The following FGF2 variants were observed in gnomAD, a reference collection of about 807,000 sequenced individuals.
The protein encoded by FGF2 is fibroblast growth factor 2, also known as basic fibroblast growth factor bFGF.
A neutral mutation model predicts 15.9 loss-of-function variants in FGF2; 13 were observed. The ratio of observed to expected loss-of-function variants is 0.82; its 90% confidence interval spans 0.53 to 1.30. FGF2 has a LOEUF of 1.30. FGF2 is among the 50% of genes most tolerant of loss of function. FGF2 has a pLI of 0.00. For missense variants in FGF2, 163 were observed against 196.9 expected, an observed-to-expected ratio of 0.83 and a Z score of 1.03; for synonymous variants, 90 against 78.4, an observed-to-expected ratio of 1.15 and a Z score of -0.78.
At chr4:122,865,703 G>A (rs1308612628) in intron 1 of FGF2, among the ~76,000 whole-genome samples, 1 of 152,164 alleles carries the variant, frequency 6.6e-6, no homozygotes, top group Non-Finnish European at 1.5e-5. Context: ...CATTTCAAAT[G>A]TATTGAGGCT....
At chr4:122,829,217 T>A (rs1725710147) in intron 1 of FGF2, among the ~76,000 whole-genome samples, 1 of 152,222 alleles carries the variant, frequency 6.6e-6, no homozygotes, top group South Asian at 2.1e-4. Flanking sequence ...TCTTCCTAAC[T>A]GTGAGTTGGG....
At chr4:122,870,911 T>C (rs186504587) in intron 1 of FGF2, among the ~76,000 whole-genome samples, 2 of 152,278 alleles carry the variant, frequency 1.3e-5, no homozygotes, top group Admixed American at 1.3e-4. Context: ...TTAATTATGA[T>C]GTTAGGGTGT....
intron 1 of FGF2, among the ~76,000 whole-genome samples, chr4:122,834,950 C>T (rs573382629): frequency 6.6e-6 from 1 of 152,286 alleles, no homozygotes; most frequent in Admixed American, 6.5e-5. Flanking sequence ...GATATCTTTT[C>T]AGGTTTTTTG....
chr4:122,827,203 C>T lies in FGF2; in HGVS notation c.29C>T (p.Pro10Leu). ...GCAGCCGGGAGCATCACCACGCTGC[C>T]CGCCTTGCCCGAGGATGGCGGCAGC... MAAGSITTL[P>L]ALPEDGGSGA... Residue 10 changes from proline (P) to leucine (L), a missense_variant, in exon 1 of 3, where the codon CCC becomes CTC. By Grantham distance (98) the Pro-to-Leu change is moderately conservative. Coordinates refer to ENST00000644866, the MANE Select transcript of FGF2 (RefSeq NM_001361665.2). The surrounding 1 kb of genome is among the most constrained non-coding windows in gnomAD (Gnocchi z 4.2). 1 of 1,606,624 alleles carries T rather than the reference C, an allele frequency of 6.2e-7. No homozygotes were observed. The highest frequency in any genetic ancestry group is 1.1e-5 in the South Asian group (1 of 90,288).
chr4:122,894,964 A>C lies in FGF2; in HGVS notation c.*2568A>C, dbSNP rs1187133069. 1 of 152,188 alleles carries C rather than the reference A, an allele frequency of 6.6e-6. No homozygotes were observed. The highest frequency in any genetic ancestry group is 1.5e-5 in the Non-Finnish European group (1 of 68,034). The allele number at this position is 152,188 out of a possible 1,614,324, so 9.4% of individuals were successfully genotyped here. A position where few individuals can be genotyped will look rare whatever the true frequency, so the allele number is the denominator to read the frequency against. ...ATCTATGCTGTTTCTATGTCGTGGA[A>C]GCACTGGATGGGGGTAGTGAGCAAA... On this transcript the variant is annotated 3_prime_UTR_variant, in exon 3 of 3. Transcript: ENST00000644866.
intron 1 of FGF2, among the ~76,000 whole-genome samples, chr4:122,851,334 T>A (rs1421826346): frequency 1.3e-5 from 2 of 152,166 alleles, no homozygotes; most frequent in African/African-American, 2.4e-5. Context: ...GGGCCAAATT[T>A]TAAGGATTTT....
intron 1 of FGF2, chr4:122,840,634 C>A: frequency 1.1e-5 from 2 of 188,642 alleles, no homozygotes; most frequent in South Asian, 1.2e-4. Context: ...CCAAATACCC[C>A]GATCCCGATT....
intron 1 of FGF2, among the ~76,000 whole-genome samples, chr4:122,844,499 A>G (rs908251603): frequency 6.6e-6 from 1 of 152,038 alleles, no homozygotes; most frequent in African/African-American, 2.4e-5. Context: ...TAGAATTGTC[A>G]GTTATTTCCA....
intron 1 of FGF2, among the ~76,000 whole-genome samples, chr4:122,851,417 A>G (rs1421610425): frequency 6.6e-6 from 1 of 152,192 alleles, no homozygotes; most frequent in East Asian, 1.9e-4. Context: ...TATGGCCAAT[A>G]GAAAAGAGTA....
intron 1 of FGF2, among the ~76,000 whole-genome samples, chr4:122,838,612 C>A (rs1725913553): frequency 2.6e-5 from 4 of 152,204 alleles, no homozygotes; most frequent in Admixed American, 2.6e-4. Context: ...GACAAACTAG[C>A]AGAAATTTGA....
At chr4:122,891,885 T>A (rs1727198562) in intron 2 of FGF2, among the ~76,000 whole-genome samples, 1 of 152,170 alleles carries the variant, frequency 6.6e-6, no homozygotes, top group South Asian at 2.1e-4. Context: ...CATAGCATAT[T>A]TCTTCTTACT....
Position 122,841,926 on chromosome 4 carries a change from A to G in FGF2, c.178+14574A>G, listed in dbSNP as rs142826018. On this transcript the variant is annotated intron_variant, in intron 1 of 2. Transcript: ENST00000644866. ...ATTAACAGTTTGGATATTTGGTTAC[A>G]CCTACTTTGAATATTTTCCTCACTT... 4.7e-3 allele frequency among the ~76,000 whole-genome samples: 719 copies of G among 152,208 alleles called. 6 individuals are homozygous for G. Among genetic ancestry groups the G allele is most frequent in the African/African-American group, 0.017 (687 of 41,554 alleles).
intron 1 of FGF2, among the ~76,000 whole-genome samples, chr4:122,859,744 G>T (rs1421546298): frequency 6.6e-6 from 1 of 152,044 alleles, no homozygotes; most frequent in Non-Finnish European, 1.5e-5. Context: ...GGAGATGAAG[G>T]CTGATTTTGA....
chr4:122,885,901 A>AT lies in FGF2; in HGVS notation c.283-6300dup, dbSNP rs1267365169. Among the ~76,000 whole-genome samples the AT allele has an allele frequency of 7.5e-3, 623 of 83,434 alleles. 3 individuals carry two copies. Among genetic ancestry groups the AT allele is most frequent in the Non-Finnish European group, 0.012 (500 of 40,570 alleles). 54.7% of individuals were successfully genotyped at this position (83,434 alleles called of 152,430 possible). On this transcript the variant is annotated intron_variant, in intron 2 of 2. Transcript: ENST00000644866. Reference sequence around the variant, plus strand: ...TTTAGAATGTCCTTCAACTTGCTTGATTTTTTTTTTCCTTTTTTTTTTTTT... The same window carrying AT: ...TTTAGAATGTCCTTCAACTTGCTTGATTTTTTTTTTTCCTTTTTTTTTTTTT...
In FGF2 at chr4:122,895,806, G is replaced by A. The variant is rs1727333763; in HGVS notation, c.*3410G>A. ...CAAATGTGTTTCCCAGTTAACTAGGGTTTACTGTTTGAGCCAATATAAATG... is the reference window on the plus strand; with the variant it reads ...CAAATGTGTTTCCCAGTTAACTAGGATTTACTGTTTGAGCCAATATAAATG... On this transcript the variant is annotated 3_prime_UTR_variant, in exon 3 of 3. Transcript: ENST00000644866. 1 of 152,176 alleles carries A rather than the reference G, an allele frequency of 6.6e-6. No homozygotes were observed. The highest frequency in any genetic ancestry group is 1.5e-5 in the Non-Finnish European group (1 of 68,018). The allele number at this position is 152,176 out of a possible 1,614,324, so 9.4% of individuals were successfully genotyped here. A position where few individuals can be genotyped will look rare whatever the true frequency, so the allele number is the denominator to read the frequency against.
chr4:122,851,814 T>G (rs1229063314), intron 1 of FGF2, among the ~76,000 whole-genome samples: 2 of 152,210 alleles, frequency 1.3e-5, no homozygotes, highest in Non-Finnish European at 2.9e-5. Context: ...TTCACATATG[T>G]GCAGGTAACA....
chr4:122,892,364 A>G lies in FGF2; in HGVS notation c.436A>G (p.Ile146Val). The stretch of plus-strand genomic sequence containing the variant: ...CAAAACAGGACCTGGGCAGAAAGCT[A>G]TACTTTTTCTTCCAATGTCTGCTAA... ...GSKTGPGQKA[I>V]LFLPMSAKS The change falls in exon 3 of 3, where the codon ATA becomes GTA. Residue 146 changes from isoleucine (I) to valine (V), a missense_variant. Transcript: ENST00000644866. 2 of 1,614,152 alleles carry G rather than the reference A, an allele frequency of 1.2e-6. No homozygotes were observed. Among genetic ancestry groups the G allele is most frequent in the Non-Finnish European group, 1.7e-6 (2 of 1,180,010 alleles).
chr4:122,848,549 C>T (rs1473384342), intron 1 of FGF2, among the ~76,000 whole-genome samples: 2 of 152,132 alleles, frequency 1.3e-5, no homozygotes, highest in African/African-American at 2.4e-5. Flanking sequence ...CAGCTGCCAT[C>T]TGCTCCAAAG....
At chr4:122,852,177 G>A (rs1726245416) in intron 1 of FGF2, among the ~76,000 whole-genome samples, 1 of 152,146 alleles carries the variant, frequency 6.6e-6, no homozygotes, top group South Asian at 2.1e-4. Context: ...GGTTGGCCTG[G>A]GTGCAACTGC....
Sources: allele counts gnomAD v4.1 joint callset (sites outside exome capture counted in the v4.1 genomes callset), GRCh38; gene constraint gnomAD v4.1.1; non-coding constraint Gnocchi (gnomAD v3.1); transcripts MANE v1.5; gene names NCBI Gene and HGNC (gene_info 2026-07-23, HGNC 2026-07-21).